CEP63: variants seen among roughly 807,000 people sequenced by gnomAD.
The protein encoded by CEP63 is centrosomal protein 63.
CEP63 carries 84 observed loss-of-function variants against 89.1 expected under a neutral mutation model. The observed-to-expected ratio is 0.94, with a 90% CI of 0.79 to 1.13. The LOEUF (loss-of-function observed/expected upper bound fraction) is 1.13. Ranked by LOEUF, CEP63 falls within the 50% of genes most tolerant of loss-of-function variation. The pLI is 0.00. For synonymous variants in CEP63, 267 were observed against 272.5 expected (o/e 0.98, Z 0.20); for missense variants, 838 against 813.3 (o/e 1.03, Z -0.37).
At chr3:134,715,709 A>G in the CEP63 span, among the ~76,000 whole-genome samples, 4 of 152,030 alleles carry the variant, frequency 2.6e-5, no homozygotes, top group Non-Finnish European at 5.9e-5. Flanking sequence ...GGTATGTTAT[A>G]GGAGCCTCAT....
the CEP63 span, among the ~76,000 whole-genome samples, chr3:134,742,785 C>A: frequency 6.6e-6 from 1 of 152,200 alleles, no homozygotes; most frequent in Non-Finnish European, 1.5e-5. Context: ...CTCCCTTGCC[C>A]ATCCACTATC....
chr3:134,768,168 G>A, the CEP63 span, among the ~76,000 whole-genome samples: 1 of 152,090 alleles, frequency 6.6e-6, no homozygotes, highest in Non-Finnish European at 1.5e-5. Context: ...CATCAAATGG[G>A]GAGCCACAAA....
At chr3:134,777,608 A>ATTTT in the CEP63 span, among the ~76,000 whole-genome samples, 42 of 100,184 alleles carry the variant, frequency 4.2e-4, 1 homozygote, top group African/African-American at 1.3e-3. Flanking sequence ...AAAGAATAGA[A>ATTTT]TTTTTTTTTT....
At chr3:134,707,662 C>G in the CEP63 span, among the ~76,000 whole-genome samples, 5 of 151,482 alleles carry the variant, frequency 3.3e-5, no homozygotes, top group African/African-American at 1.2e-4. Context: ...TGATGTTGAA[C>G]AGTGCAGGCT....
downstream of CEP63, among the ~76,000 whole-genome samples, chr3:134,579,012 C>T (rs1483419507): frequency 6.6e-6 from 1 of 152,226 alleles, no homozygotes; most frequent in Non-Finnish European, 1.5e-5. Flanking sequence ...CCTGCCTTGG[C>T]CTCCCAAAGT....
At chr3:134,698,663 G>C in the CEP63 span, among the ~76,000 whole-genome samples, 1 of 152,254 alleles carries the variant, frequency 6.6e-6, no homozygotes, top group Non-Finnish European at 1.5e-5. Context: ...CCAGGGTGGA[G>C]TGGGGAGCAG....
intron 1 of CEP63, 138 bp from the exon 2 acceptor site, chr3:134,495,157 CT>C (rs2108038690): frequency 1.5e-6 from 1 of 672,414 alleles, no homozygotes; most frequent in Non-Finnish European, 2.7e-6. Context: ...TGTTCTTTGA[CT>C]GCTTCTACAG....
At chr3:134,610,624 G>A in the CEP63 span, 6 of 465,548 alleles carry the variant, frequency 1.3e-5, no homozygotes, top group South Asian at 1.8e-4. Context: ...TCCGCTGTCT[G>A]CTCCTCCCCT....
the CEP63 span, among the ~76,000 whole-genome samples, chr3:134,668,317 A>G: frequency 2.1e-3 from 319 of 152,266 alleles, 13 homozygotes; most frequent in Admixed American, 0.019. Context: ...TCTCTGACCT[A>G]CTGTTTCTTG....
intron 3 of CEP63, among the ~76,000 whole-genome samples, chr3:134,529,137 TG>T (rs1949337889): frequency 6.6e-6 from 1 of 152,188 alleles, no homozygotes; most frequent in South Asian, 2.1e-4. Flanking sequence ...TTCACAAAAT[TG>T]GGATTTTAGT....
At chr3:134,694,604 C>T in the CEP63 span, among the ~76,000 whole-genome samples, 2 of 152,230 alleles carry the variant, frequency 1.3e-5, no homozygotes. Context: ...GGGCTCCAGC[C>T]TAGGACAAGG....
the CEP63 span, among the ~76,000 whole-genome samples, chr3:134,732,987 T>G: frequency 6.6e-6 from 1 of 152,186 alleles, no homozygotes. Context: ...TTTCCCCAAG[T>G]CCCAGTGTTC....
At chr3:134,591,592 A>C, downstream of CEP63, among the ~76,000 whole-genome samples, 1 of 152,190 alleles carries the variant, frequency 6.6e-6, no homozygotes, top group East Asian at 1.9e-4. Flanking sequence ...ACAATGGCTC[A>C]TGCCTGTAAT....
chr3:134,604,269 C>T, the CEP63 span: 17 of 1,613,822 alleles, frequency 1.1e-5, no homozygotes, highest in Middle Eastern at 3.3e-4. Flanking sequence ...TGCACTTGAG[C>T]GTGTACTCCA....
chr3:134,516,521 C>T (rs1946269465), intron 3 of CEP63, among the ~76,000 whole-genome samples: 1 of 152,176 alleles, frequency 6.6e-6, no homozygotes, highest in African/African-American at 2.4e-5. Flanking sequence ...CTTACCCTTC[C>T]CATGAGGCCG....
In CEP63 at chr3:134,583,854, G is replaced by C. The variant is rs144466201; in HGVS notation, c.1207-3604G>C. ...ATTTGTTTGTGTCCTCTTTTATTTC[G>C]TTGAGCAGAGGTTTGTAGTTCTCCT... On this transcript the variant is annotated intron_variant, in intron 10 of 10. Transcript: ENST00000683931. Among the ~76,000 whole-genome samples, 1,153 of 151,972 alleles carry C rather than the reference G, an allele frequency of 7.6e-3. 18 individuals are homozygous for C. The highest frequency in any genetic ancestry group is 0.027 in the African/African-American group (1,098 of 41,426).
chr3:134,689,876 A>G, the CEP63 span, among the ~76,000 whole-genome samples: 1 of 152,118 alleles, frequency 6.6e-6, no homozygotes, highest in Non-Finnish European at 1.5e-5. Context: ...TAGATCAGGA[A>G]CACTGAAAGA....
Position 134,531,898 on chromosome 3 carries a change from G to C in CEP63, c.276G>C (p.Met92Ile). The C allele has an allele frequency of 6.2e-7, 1 of 1,613,520 alleles. No individual in the cohort carries two copies. Among genetic ancestry groups the C allele is most frequent in the Non-Finnish European group, 8.5e-7 (1 of 1,179,660 alleles). The change falls in exon 4 of 15, where the codon ATG (methionine) becomes ATC (isoleucine). Residue 92 changes from methionine (M) to isoleucine (I), a missense_variant. By Grantham distance (10) the Met-to-Ile change is conservative (BLOSUM62 1). Transcript: ENST00000675561. ...AACATGAAAAAATCAAGCAAGAGATGACCATGGAATATAAGCAGGAGTTGA... is the reference window on the plus strand; with the variant it reads ...AACATGAAAAAATCAAGCAAGAGATCACCATGGAATATAAGCAGGAGTTGA... Reference protein sequence around the residue: ...VEEHEKIKQEMTMEYKQELKK... With the variant: ...VEEHEKIKQEITMEYKQELKK...
the CEP63 span, among the ~76,000 whole-genome samples, chr3:134,623,285 C>T: frequency 0.61 from 93,432 of 151,972 alleles, 29,328 homozygotes; most frequent in East Asian, 0.87. Flanking sequence ...CCATCCCTTC[C>T]GATGGCCATT....
Sources: allele counts gnomAD v4.1 joint callset (sites outside exome capture counted in the v4.1 genomes callset), GRCh38; gene constraint gnomAD v4.1.1; transcripts MANE v1.5; gene names NCBI Gene and HGNC (gene_info 2026-07-23, HGNC 2026-07-21).